DNAH11: variants seen among roughly 807,000 people sequenced by gnomAD.
DNAH11 encodes dynein axonemal heavy chain 11.
In DNAH11, 442 loss-of-function variants were observed where a neutral mutation model predicts 526.0. The ratio of observed to expected loss-of-function variants is 0.84; its 90% CI spans 0.78 to 0.91. The LOEUF (loss-of-function observed/expected upper bound fraction) is 0.91. Ranked by LOEUF, DNAH11 falls within the 40% of genes least tolerant of loss-of-function variation. The probability of loss-of-function intolerance (pLI) is 0.00; values close to 1 mark genes in which losing one functional copy is unlikely to be tolerated. For missense variants in DNAH11, 6,989 were observed against 5,448.7 expected (o/e 1.28, Z -8.90); for synonymous variants, 2,461 against 1,935.9 (o/e 1.27, Z -7.12).
At chr7:21,733,226 A>G (rs1163145434) in intron 45 of DNAH11, among the ~76,000 whole-genome samples, 3 of 152,198 alleles carry the variant, frequency 2.0e-5, no homozygotes, top group Non-Finnish European at 4.4e-5. Context: ...TTCTGTACTA[A>G]AAATACAAAA....
intron 2 of DNAH11, among the ~76,000 whole-genome samples, chr7:21,551,130 T>C (rs533517606): frequency 1.3e-5 from 2 of 152,276 alleles, no homozygotes; most frequent in Admixed American, 6.5e-5. Flanking sequence ...AGTTTACTTA[T>C]TTCTCTCCCA....
In DNAH11 at chr7:21,588,563, A is replaced by C; in HGVS notation, c.1900A>C (p.Asn634His). 1 of 1,613,640 alleles carries C rather than the reference A, an allele frequency of 6.2e-7. No homozygotes were observed. The highest frequency in any genetic ancestry group is 8.5e-7 in the Non-Finnish European group (1 of 1,179,560). Residue 634 changes from asparagine to histidine, a missense_variant, in exon 11 of 82, where the codon AAT becomes CAT. Transcript: ENST00000409508. ...LNKNMPFTSG[N>H]MKWAQQVLQR... Reference sequence around the variant, plus strand: ...CAAGAACATGCCATTTACCTCAGGAAATATGAAATGGGCCCAGCAGGTTCT... The same window carrying C: ...CAAGAACATGCCATTTACCTCAGGACATATGAAATGGGCCCAGCAGGTTCT...
At chr7:21,578,489 C>G (rs1420844961) in intron 8 of DNAH11, among the ~76,000 whole-genome samples, 1 of 152,224 alleles carries the variant, frequency 6.6e-6, no homozygotes, top group African/African-American at 2.4e-5. Context: ...CTTTCACTGG[C>G]TGATGTTGAG....
chr7:21,852,998 C>G (rs1782700455), intron 67 of DNAH11, among the ~76,000 whole-genome samples: 1 of 152,198 alleles, frequency 6.6e-6, no homozygotes, highest in Non-Finnish European at 1.5e-5. Context: ...GTTCTCCAAG[C>G]TGTTGGACAT....
intron 55 of DNAH11, among the ~76,000 whole-genome samples, chr7:21,768,779 A>G (rs1466533069): frequency 6.6e-6 from 1 of 152,196 alleles, no homozygotes; most frequent in East Asian, 1.9e-4. Flanking sequence ...ATATTTAAAG[A>G]CTTGTTTCCC....
chr7:21,654,340 G>A (rs141507483), intron 28 of DNAH11, among the ~76,000 whole-genome samples: 75 of 152,216 alleles, frequency 4.9e-4, no homozygotes, highest in African/African-American at 1.5e-3. Context: ...AAGATACGAC[G>A]TGTGGTATAT....
chr7:21,608,621 G>A (rs1487271026), intron 20 of DNAH11, among the ~76,000 whole-genome samples: 1 of 152,130 alleles, frequency 6.6e-6, no homozygotes, highest in Non-Finnish European at 1.5e-5. Context: ...CATTGAAAAG[G>A]GAGTAGGTTA....
chr7:21,899,907 A>C (rs1242504436), intron 80 of DNAH11, 73 bp from the exon 81 acceptor site: 1 of 1,554,560 alleles, frequency 6.4e-7, no homozygotes, highest in East Asian at 2.3e-5. Flanking sequence ...AGGATGCCTC[A>C]ATTTACTGGT....
At chr7:21,548,976 A>G (rs935509889) in intron 2 of DNAH11, among the ~76,000 whole-genome samples, 1 of 150,770 alleles carries the variant, frequency 6.6e-6, no homozygotes, top group African/African-American at 2.4e-5. Context: ...CTGCCTCCCC[A>G]GTTCAAGCAA....
intron 57 of DNAH11, among the ~76,000 whole-genome samples, chr7:21,782,344 A>C (rs1787982259): frequency 6.6e-6 from 1 of 152,232 alleles, no homozygotes; most frequent in African/African-American, 2.4e-5. Context: ...CTTGCTGACC[A>C]CTGCCTAGGA....
chr7:21,549,733 C>T (rs1782947952), intron 2 of DNAH11, among the ~76,000 whole-genome samples: 1 of 152,156 alleles, frequency 6.6e-6, no homozygotes, highest in African/African-American at 2.4e-5. Context: ...AGTTACCCAC[C>T]CCATGTTTAC....
At chr7:21,626,539 G>A (rs1322045234) in intron 25 of DNAH11, among the ~76,000 whole-genome samples, 1 of 152,050 alleles carries the variant, frequency 6.6e-6, no homozygotes, top group African/African-American at 2.4e-5. Context: ...TCTCCATAGT[G>A]ACTATACTAA....
intron 55 of DNAH11, 89 bp from the exon 56 acceptor site, chr7:21,773,677 G>GA (rs1157599189): frequency 6.0e-5 from 59 of 986,764 alleles, no homozygotes; most frequent in Non-Finnish European, 6.8e-5. Context: ...CTGACTTTTA[G>GA]AAAAAAAATG....
chr7:21,899,957 C>G, intron 80 of DNAH11, 23 bp from the exon 81 acceptor site: 4 of 1,612,462 alleles, frequency 2.5e-6, no homozygotes, highest in Non-Finnish European at 3.4e-6. Context: ...TTATCCTATT[C>G]AATTTTTGTT....
At chr7:21,660,544 T>C (rs1408414334) in intron 30 of DNAH11, among the ~76,000 whole-genome samples, 1 of 151,854 alleles carries the variant, frequency 6.6e-6, no homozygotes, top group Non-Finnish European at 1.5e-5. Flanking sequence ...CTGTTAAAGA[T>C]GATAAAGAAA....
intron 56 of DNAH11, 46 bp from the exon 57 acceptor site, chr7:21,778,912 G>C (rs958170173): frequency 6.3e-7 from 1 of 1,595,318 alleles, no homozygotes; most frequent in African/African-American, 1.3e-5. Context: ...TCTGGGATTT[G>C]TTGTGAACAA....
chr7:21,896,606 A>T (rs1157535413), intron 79 of DNAH11, among the ~76,000 whole-genome samples: 1 of 152,242 alleles, frequency 6.6e-6, no homozygotes, highest in East Asian at 1.9e-4. Flanking sequence ...AAAAAGTCTT[A>T]GCACTTTTTT....
intron 57 of DNAH11, among the ~76,000 whole-genome samples, chr7:21,784,094 T>C (rs1788071869): frequency 6.6e-6 from 1 of 152,228 alleles, no homozygotes; most frequent in African/African-American, 2.4e-5. Context: ...CAGGACTCTC[T>C]GAAAAAGAAA....
intron 51 of DNAH11, among the ~76,000 whole-genome samples, chr7:21,746,617 CAAG>C (rs1442039352): frequency 2.6e-5 from 4 of 152,050 alleles, no homozygotes; most frequent in South Asian, 2.1e-4. Context: ...AAATAAAAGA[CAAG>C]AAGAAGGAAA....
Sources: gnomAD v4.1 joint callset for allele counts (sites outside exome capture counted in the v4.1 genomes callset) on GRCh38, gnomAD v4.1.1 for gene constraint, MANE v1.5 for transcripts, NCBI Gene and HGNC (gene_info 2026-07-23, HGNC 2026-07-21) for gene names.